The following PTK2 variants were observed in gnomAD, a reference collection of about 807,000 sequenced individuals.
PTK2 encodes the protein focal adhesion kinase 1.
A neutral mutation model predicts 150.1 loss-of-function variants in PTK2; 45 were observed. That is an observed-to-expected ratio of 0.30 (90% CI 0.24 to 0.38). PTK2 has a LOEUF of 0.38. PTK2 is among the 10% of genes least tolerant of loss of function. The probability of loss-of-function intolerance (pLI) is 1.00; values close to 1 mark genes in which losing one functional copy is unlikely to be tolerated. For synonymous variants in PTK2, 432 were observed against 449.2 expected, an observed-to-expected ratio of 0.96 and a Z score of 0.48; for missense variants, 919 against 1,307.3, an observed-to-expected ratio of 0.70 and a Z score of 4.58.
At chr8:140,927,975 A>AAAAAAAAAAAAAAAAAAATATATAT in intron 1 of PTK2, among the ~76,000 whole-genome samples, 2 of 48,196 alleles carry the variant, frequency 4.1e-5, no homozygotes, top group African/African-American at 9.8e-5. Context: ...AAAAAAAAAA[A>AAAAAAAAAAAAAAAAAAATATATAT]ATATATATAT....
intron 8 of PTK2, among the ~76,000 whole-genome samples, chr8:140,829,749 T>C (rs2100114185): frequency 6.6e-6 from 1 of 152,108 alleles, no homozygotes; most frequent in African/African-American, 2.4e-5. Context: ...AATATTCACA[T>C]CAACCCTACA....
At chr8:140,938,756 A>T (rs2100174606) in intron 1 of PTK2, among the ~76,000 whole-genome samples, 1 of 152,230 alleles carries the variant, frequency 6.6e-6, no homozygotes, top group Non-Finnish European at 1.5e-5. Context: ...AGCCATCATG[A>T]TTACTGTACA....
intron 1 of PTK2, among the ~76,000 whole-genome samples, chr8:140,953,667 G>A (rs940351578): frequency 3.9e-5 from 6 of 152,172 alleles, no homozygotes; most frequent in Non-Finnish European, 8.8e-5. Context: ...GCTAACATTG[G>A]GTAACTGAAC....
chr8:140,677,088 A>G (rs1322682060), intron 27 of PTK2, among the ~76,000 whole-genome samples: 3 of 152,172 alleles, frequency 2.0e-5, no homozygotes, highest in Non-Finnish European at 4.4e-5. Context: ...TACAAATAAA[A>G]AAAATTTGAA....
intron 13 of PTK2, among the ~76,000 whole-genome samples, chr8:140,790,228 AC>A (rs2100087669): frequency 6.6e-6 from 1 of 152,180 alleles, no homozygotes; most frequent in African/African-American, 2.4e-5. Flanking sequence ...ATAAGAGAAA[AC>A]CTTTTCCAGA....
chr8:140,988,354 G>C (rs1373484862), intron 1 of PTK2, among the ~76,000 whole-genome samples: 1 of 152,194 alleles, frequency 6.6e-6, no homozygotes, highest in Non-Finnish European at 1.5e-5. Flanking sequence ...TCCACAATGA[G>C]ATAAGACTTA....
At chr8:140,804,050 G>C (rs1258234726) in intron 10 of PTK2, among the ~76,000 whole-genome samples, 1 of 152,122 alleles carries the variant, frequency 6.6e-6, no homozygotes, top group African/African-American at 2.4e-5. Context: ...AAGAAAGAGG[G>C]GATCTGGGAT....
At chr8:140,853,798 CTACAT>C (rs2100130864) in intron 5 of PTK2, among the ~76,000 whole-genome samples, 2 of 152,204 alleles carry the variant, frequency 1.3e-5, no homozygotes, top group Non-Finnish European at 2.9e-5. Flanking sequence ...GAGAGTTAGA[CTACAT>C]TACATTTTAG....
At chr8:140,776,167 T>C (rs1282346387) in intron 14 of PTK2, among the ~76,000 whole-genome samples, 1 of 152,150 alleles carries the variant, frequency 6.6e-6, no homozygotes, top group Non-Finnish European at 1.5e-5. Context: ...CCACACCTGG[T>C]TAATTTTTAT....
intron 1 of PTK2, among the ~76,000 whole-genome samples, chr8:140,974,631 G>C (rs2100188609): frequency 6.6e-6 from 1 of 152,148 alleles, no homozygotes; most frequent in African/African-American, 2.4e-5. Context: ...CTGTGATTGG[G>C]ATGATGTTTC....
rs1404440884 is a variant in PTK2 at position 140,923,718 on chromosome 8, C to T, written c.-33+1943G>A. 2.6e-5 allele frequency among the ~76,000 whole-genome samples: 4 copies of T among 152,192 alleles called. No individual in the cohort carries two copies. In the East Asian group the frequency reaches 7.7e-4, roughly 29 times the overall value. ...TTATTTAAAAGTTCTGTGACCTTTA[C>T]ACCAACCTCTTTTAGTACTGGCATA... On this transcript the variant is annotated intron_variant, in intron 2 of 31. Coordinates refer to ENST00000522684, the Ensembl canonical transcript of PTK2.
intron 21 of PTK2, among the ~76,000 whole-genome samples, chr8:140,736,527 C>CAAAA (rs113241429): frequency 1.4e-5 from 2 of 143,302 alleles, no homozygotes. Flanking sequence ...ATCTAAAATT[C>CAAAA]AAAAAAAAAA....
intron 1 of PTK2, among the ~76,000 whole-genome samples, chr8:140,936,782 C>A (rs191156620): frequency 2.4e-4 from 37 of 152,206 alleles, no homozygotes; most frequent in Non-Finnish European, 3.8e-4. Context: ...AAACTTAAGT[C>A]CCACAATAGT....
rs142414972 is a variant in PTK2 at position 140,866,602 on chromosome 8, A to G, written c.363-2203T>C. On this transcript the variant is annotated intron_variant, in intron 4 of 31. Coordinates refer to ENST00000522684, the Ensembl canonical transcript of PTK2. ...ACAAGAAATAAATGAGTCAGTAAAC[A>G]CAAAACACCCAGAACAGTCACTGGC... Among the ~76,000 whole-genome samples, 6 of 152,328 alleles carry G rather than the reference A, an allele frequency of 3.9e-5. No homozygotes were observed. The East Asian group carries it at 1.2e-3, about 29-fold the overall frequency.
intron 2 of PTK2, among the ~76,000 whole-genome samples, chr8:140,911,766 A>G (rs941686736): frequency 6.6e-6 from 1 of 152,194 alleles, no homozygotes; most frequent in Non-Finnish European, 1.5e-5. Flanking sequence ...TACATAATTA[A>G]TCATATACAT....
chr8:140,661,756 G>C (rs1034987024), intron 31 of PTK2, among the ~76,000 whole-genome samples: 9 of 152,308 alleles, frequency 5.9e-5, no homozygotes, highest in African/African-American at 2.2e-4. Context: ...TCTCAAGGGG[G>C]AGTTAGGACT....
chr8:140,696,366 G>A (rs560781107), intron 26 of PTK2, among the ~76,000 whole-genome samples: 1 of 152,166 alleles, frequency 6.6e-6, no homozygotes, highest in Admixed American at 6.5e-5. Context: ...GAGCATGTGT[G>A]AGAGTGCAGG....
intron 1 of PTK2, among the ~76,000 whole-genome samples, chr8:140,930,258 T>A (rs1212423772): frequency 6.6e-6 from 1 of 152,182 alleles, no homozygotes; most frequent in Non-Finnish European, 1.5e-5. Flanking sequence ...TCACTGACAT[T>A]GGAAAATACT....
At chr8:140,817,490 A>C (rs1470392578) in intron 10 of PTK2, among the ~76,000 whole-genome samples, 1 of 152,172 alleles carries the variant, frequency 6.6e-6, no homozygotes, top group Non-Finnish European at 1.5e-5. Context: ...GCCTGAGAAG[A>C]AGCCCCTAGA....
Sources: allele counts gnomAD v4.1 joint callset (sites outside exome capture counted in the v4.1 genomes callset), GRCh38; gene constraint gnomAD v4.1.1; transcripts MANE v1.5; gene names NCBI Gene and HGNC (gene_info 2026-07-23, HGNC 2026-07-21).